PRKG1: variants seen among roughly 807,000 people sequenced by gnomAD.
PRKG1 encodes the protein cGMP-dependent protein kinase 1.
Under a neutral mutation model 88.1 loss-of-function variants are expected in PRKG1, and 35 were observed. The ratio of observed to expected loss-of-function variants is 0.40; its 90% CI spans 0.30 to 0.53. PRKG1 has a LOEUF of 0.53. PRKG1 is among the 20% of genes least tolerant of loss of function. The pLI is 0.59. For missense variants in PRKG1, 540 were observed against 839.8 expected, an observed-to-expected ratio of 0.64 and a Z score of 4.41; for synonymous variants, 303 against 292.5, an observed-to-expected ratio of 1.04 and a Z score of -0.37.
intron 3 of PRKG1, among the ~76,000 whole-genome samples, chr10:51,611,974 C>T (rs1838922052): frequency 6.6e-6 from 1 of 151,842 alleles, no homozygotes; most frequent in African/African-American, 2.4e-5. Flanking sequence ...TCTTGGTTTT[C>T]TACTCTTTTC....
At chr10:51,556,497 T>C (rs1367489871) in intron 3 of PRKG1, among the ~76,000 whole-genome samples, 3 of 151,938 alleles carry the variant, frequency 2.0e-5, no homozygotes, top group African/African-American at 7.2e-5. Flanking sequence ...TGCTCATCAA[T>C]GGTGGACTGG....
chr10:51,319,690 A>G, intron 2 of PRKG1: 1 of 152,364 alleles, frequency 6.6e-6, no homozygotes, highest in South Asian at 2.1e-4. Context: ...TAAAATAAGT[A>G]TTCAAATAAC....
At chr10:52,240,265 GTCT>G (rs1227997403) in intron 9 of PRKG1, among the ~76,000 whole-genome samples, 3 of 152,118 alleles carry the variant, frequency 2.0e-5, no homozygotes, top group Admixed American at 6.6e-5. Flanking sequence ...TATCTCTGTA[GTCT>G]TCTTCTTCCT....
At chr10:51,730,262 A>T (rs763846092) in intron 3 of PRKG1, among the ~76,000 whole-genome samples, 2 of 152,214 alleles carry the variant, frequency 1.3e-5, no homozygotes, top group Non-Finnish European at 2.9e-5. Context: ...AAAGTTTGGT[A>T]GCCTCAAGCC....
intron 1 of PRKG1, among the ~76,000 whole-genome samples, chr10:51,039,027 C>T (rs367891128): frequency 1.2e-3 from 176 of 152,282 alleles, no homozygotes; most frequent in African/African-American, 3.8e-3. Context: ...TGGCAATTTA[C>T]TAATGAAGTA....
intron 3 of PRKG1, among the ~76,000 whole-genome samples, chr10:51,561,306 G>T (rs1837455218): frequency 6.6e-6 from 1 of 151,464 alleles, no homozygotes; most frequent in Non-Finnish European, 1.5e-5. Context: ...CTCCAGCCTG[G>T]GTGACAAGAG....
intron 3 of PRKG1, among the ~76,000 whole-genome samples, chr10:51,643,822 T>C (rs72797324): frequency 0.092 from 14,069 of 152,232 alleles, 864 homozygotes; most frequent in Admixed American, 0.14. Context: ...CTTTTAATTA[T>C]AGAAACTTTC....
intron 1 of PRKG1, among the ~76,000 whole-genome samples, chr10:51,111,584 G>T (rs920742459): frequency 1.3e-5 from 2 of 152,122 alleles, no homozygotes; most frequent in Non-Finnish European, 2.9e-5. Flanking sequence ...CTTGTGAGTT[G>T]ATACTGAATG....
intron 4 of PRKG1, among the ~76,000 whole-genome samples, chr10:51,842,244 C>G (rs939679728): frequency 6.6e-6 from 1 of 152,114 alleles, no homozygotes; most frequent in African/African-American, 2.4e-5. Context: ...TCTGGGATCA[C>G]CAGTTACAAA....
chr10:51,168,218 T>C (rs1846600856), intron 2 of PRKG1, among the ~76,000 whole-genome samples: 1 of 152,092 alleles, frequency 6.6e-6, no homozygotes, highest in South Asian at 2.1e-4. Context: ...TCTTCTTCTG[T>C]CTCATTTTCT....
chr10:52,030,705 C>T (rs1845454170), intron 5 of PRKG1, among the ~76,000 whole-genome samples: 1 of 152,148 alleles, frequency 6.6e-6, no homozygotes, highest in African/African-American at 2.4e-5. Flanking sequence ...AGGACACGAC[C>T]ATGCTATGAC....
chr10:51,463,861 C>T (rs1409980639), intron 2 of PRKG1, among the ~76,000 whole-genome samples: 2 of 152,150 alleles, frequency 1.3e-5, no homozygotes, highest in African/African-American at 4.8e-5. Context: ...CTTGAATTAG[C>T]CATTCCTCGT....
At chr10:52,049,851 G>T (rs186870055) in intron 5 of PRKG1, among the ~76,000 whole-genome samples, 5 of 152,144 alleles carry the variant, frequency 3.3e-5, no homozygotes, top group African/African-American at 9.6e-5. Context: ...GTTAGGCACT[G>T]GGGATTTTAT....
intron 4 of PRKG1, among the ~76,000 whole-genome samples, chr10:51,813,197 T>G (rs1030098436): frequency 4.6e-5 from 7 of 152,138 alleles, no homozygotes; most frequent in African/African-American, 1.7e-4. Flanking sequence ...AAGCATAAAG[T>G]AATAAGCCAT....
In PRKG1 at chr10:51,074,820, A is replaced by T; in HGVS notation, c.230A>T (p.Gln77Leu). Residue 77 changes from glutamine (Q) to leucine (L), a missense_variant, in exon 1 of 18, where the codon CAG becomes CTG. Gln to Leu is a moderately radical substitution (Grantham distance 113, BLOSUM62 -2). Coordinates refer to ENST00000373980, the MANE Select transcript of PRKG1 (RefSeq NM_006258.4). ...TLQGEPRTKR[Q>L]AISAEPTAFD... The stretch of plus-strand genomic sequence containing the variant: ...CAGGGCGAGCCGCGCACCAAGCGGC[A>T]GGCGATCTCCGCCGAGCCCACCGCC... 1 of 1,613,708 alleles carries T rather than the reference A, an allele frequency of 6.2e-7. No individual in the cohort carries two copies.
At chr10:51,890,372 CAA>C (rs1841688171) in intron 4 of PRKG1, among the ~76,000 whole-genome samples, 1 of 152,152 alleles carries the variant, frequency 6.6e-6, no homozygotes, top group Admixed American at 6.5e-5. Flanking sequence ...ACTAATCCAT[CAA>C]AACTTACAGG....
intron 4 of PRKG1, among the ~76,000 whole-genome samples, chr10:51,868,430 G>C (rs1395527333): frequency 6.6e-6 from 1 of 152,146 alleles, no homozygotes. Context: ...AGCATTGTTT[G>C]TGGCAAAGAG....
At chr10:51,899,705 C>T (rs896516381) in intron 4 of PRKG1, among the ~76,000 whole-genome samples, 2 of 110,840 alleles carry the variant, frequency 1.8e-5, no homozygotes, top group South Asian at 2.8e-4. Flanking sequence ...ACAAATTTCT[C>T]AATATCTAAC....
intron 4 of PRKG1, among the ~76,000 whole-genome samples, chr10:51,808,575 T>C (rs190891312): frequency 6.6e-6 from 1 of 152,126 alleles, no homozygotes; most frequent in East Asian, 1.9e-4. Context: ...TGCCCTCCAG[T>C]CTGGGCAACA....
Sources: gnomAD v4.1 joint callset for allele counts (sites outside exome capture counted in the v4.1 genomes callset) on GRCh38, gnomAD v4.1.1 for gene constraint, MANE v1.5 for transcripts, NCBI Gene and HGNC (gene_info 2026-07-23, HGNC 2026-07-21) for gene names.